Variants in TRMT2A observed in about 807,000 individuals in gnomAD.
The protein encoded by TRMT2A is tRNA (uracil-5-)-methyltransferase homolog A.
A neutral mutation model predicts 59.3 loss-of-function variants in TRMT2A; 60 were observed. The ratio of observed to expected loss-of-function variants is 1.01; its 90% CI spans 0.82 to 1.26. The LOEUF (loss-of-function observed/expected upper bound fraction) is 1.26, where lower values mean the gene tolerates loss of function less well. Among genes scored for constraint, TRMT2A ranks in the 50% most tolerant of loss-of-function variants. The pLI is 0.00. For synonymous variants in TRMT2A, 403 were observed against 353.7 expected (o/e 1.14, Z -1.56); for missense variants, 863 against 845.2 (o/e 1.02, Z -0.26).
chr22:20,117,018 G>C lies in TRMT2A; in HGVS notation c.-112C>G. 7.1e-7 allele frequency: 1 copy of C among 1,410,454 alleles called. No individual in the cohort carries two copies. The highest frequency in any genetic ancestry group is 9.7e-7 in the Non-Finnish European group (1 of 1,028,458). 87.4% of individuals were successfully genotyped at this position (1,410,454 alleles called of 1,614,324 possible). ...TGTCACAAGGGAAGTGCTCAGAGGG[G>C]AGGTGCTCACAGAGCCGGTGCAACG... On this transcript the variant is annotated 5_prime_UTR_variant, in exon 1 of 12. Coordinates refer to ENST00000252136, the MANE Select transcript of TRMT2A (RefSeq NM_022727.6).
chr22:20,114,738 C>T (rs1049977999), intron 6 of TRMT2A, 23 bp downstream of exon 6: 15 of 1,611,076 alleles, frequency 9.3e-6, no homozygotes, highest in Non-Finnish European at 1.2e-5. Context: ...AGGGACCTGC[C>T]CCGCCCCACT....
chr22:20,114,475 C>T lies in TRMT2A; in HGVS notation c.1233+99G>A, dbSNP rs540466929. 1.2e-3 allele frequency: 1,209 copies of T among 1,028,564 alleles called. 3 individuals carry two copies. Among genetic ancestry groups the T allele is most frequent in the Non-Finnish European group, 1.7e-3 (1,128 of 654,420 alleles). 63.7% of individuals were successfully genotyped at this position (1,028,564 alleles called of 1,614,324 possible). On this transcript the variant is annotated intron_variant, in intron 7 of 11. Transcript: ENST00000252136. The stretch of plus-strand genomic sequence containing the variant: ...GTGGCTCACCTGCCTGGATACTCCC[C>T]CAAATCTCACCGCCTGAGCCCACTG...
In TRMT2A at chr22:20,114,733, C is replaced by A. The variant is rs185037887; in HGVS notation, c.1121+28G>T. ...TTCAGTGTCACAGTCCCTGCAGGGACCTGCCCCGCCCCACTCGGGCTCCTT... is the reference window on the plus strand; with the variant it reads ...TTCAGTGTCACAGTCCCTGCAGGGAACTGCCCCGCCCCACTCGGGCTCCTT... On this transcript the variant is annotated intron_variant, in intron 6 of 11. Coordinates refer to ENST00000252136, the MANE Select transcript of TRMT2A (RefSeq NM_022727.6). 1,827 of 1,608,858 alleles carry A rather than the reference C, an allele frequency of 1.1e-3. 24 individuals are homozygous for A. The African/African-American group carries it at 0.023, about 20-fold the overall frequency.
rs1288912568 is a variant in TRMT2A, at chr22:20,114,612, C to A, written c.1195G>T (p.Gly399Trp). Residue 399 changes from glycine (G) to tryptophan (W), a missense_variant, in exon 7 of 12, where the codon GGG (glycine) becomes TGG (tryptophan). Gly to Trp is a radical substitution (Grantham distance 184). Coordinates refer to ENST00000252136, the MANE Select transcript of TRMT2A (RefSeq NM_022727.6). ...GDRCIHEDLLGLTFRISPHAF... is the reference protein window; with the variant it reads ...GDRCIHEDLLWLTFRISPHAF... ...TGTGGAGAGATCCGGAAGGTCAGCC[C>A]TAGCAGGTCCTCGTGGATGCACCGG... 3.7e-6 allele frequency: 6 copies of A among 1,613,824 alleles called. No individual in the cohort carries two copies.
chr22:20,113,700 G>A lies in TRMT2A; in HGVS notation c.1342C>T (p.Leu448=), dbSNP rs1359356886. 1.2e-6 allele frequency: 2 copies of A among 1,601,542 alleles called. No homozygotes were observed. Among genetic ancestry groups the A allele is most frequent in the Non-Finnish European group, 1.7e-6 (2 of 1,174,546 alleles). Residue 448 remains leucine, a synonymous_variant, in exon 8 of 12, where the codon CTG becomes TTG. Transcript: ENST00000252136. ...DVCCGTGTIG[L]ALARKVKRVI... ...GGAGGGCTCACCCGGGCCAGGGCCA[G>A]GCCAATGGTGCCGGTGCCACAGCAC... is the stretch of plus-strand genomic sequence containing the variant.
chr22:20,114,966 T>C lies in TRMT2A; in HGVS notation c.1004A>G (p.Gln335Arg). The C allele has an allele frequency of 1.9e-6, 3 of 1,589,068 alleles. No homozygotes were observed. The highest frequency in any genetic ancestry group is 2.6e-6 in the Non-Finnish European group (3 of 1,169,134). ...CCCCAGCAGGGCCCCCGTTGAGACC[T>C]GGGGGTGGAAGTAGGCAATGGCCAT... Reference protein sequence around the residue: ...QAMAIAYFHPQKLSPEELAEL... With the variant: ...QAMAIAYFHPRKLSPEELAEL... The change falls in exon 5 of 12, where the codon CAG (glutamine) becomes CGG (arginine). Residue 335 changes from glutamine to arginine, a missense_variant and splice_region_variant. Physicochemically the swap from Gln to Arg is conservative, Grantham distance 43. Transcript: ENST00000252136.
chr22:20,113,400 T>TGGCCCCCCCCCCCCCCC, intron 9 of TRMT2A, 32 bp downstream of exon 9: 2 of 1,049,434 alleles, frequency 1.9e-6, no homozygotes, highest in South Asian at 1.3e-5. Context: ...GCTGCCCCCA[T>TGGCCCCCCCCCCCCCCC]CCCCACCCCC....
Position 20,113,685 on chromosome 22 carries a change from C to G in TRMT2A, c.1356+1G>C. ...GCCCTCAGCAGGGCAGGAGGGCTCA[C>G]CCGGGCCAGGGCCAGGCCAATGGTG... On this transcript the variant is annotated splice_donor_variant, in intron 8 of 11. Transcript: ENST00000252136. LOFTEE classifies it high-confidence loss of function. 2.5e-6 allele frequency: 4 copies of G among 1,595,536 alleles called. No homozygotes were observed. The highest frequency in any genetic ancestry group is 2.6e-6 in the Non-Finnish European group (3 of 1,171,260).
intron 9 of TRMT2A, 80 bp from the exon 10 acceptor site, chr22:20,113,314 G>A: frequency 6.6e-7 from 1 of 1,511,560 alleles, no homozygotes; most frequent in Non-Finnish European, 8.9e-7. Flanking sequence ...CCTAGCCAAA[G>A]AGCTTGCTCA....
Position 20,115,393 on chromosome 22 carries a change from C to A in TRMT2A, c.763G>T (p.Asp255Tyr). The A allele has an allele frequency of 6.2e-7, 1 of 1,612,648 alleles. No homozygotes were observed. Among genetic ancestry groups the A allele is most frequent in the Admixed American group, 1.7e-5 (1 of 60,016 alleles). The change falls in exon 4 of 12, where the codon GAT (aspartate) becomes TAT (tyrosine). Residue 255 changes from aspartate (D) to tyrosine (Y), a missense_variant. Transcript: ENST00000252136. ...FLVGVGVDGEDNTVGCRLGKY... is the reference protein window; with the variant it reads ...FLVGVGVDGEYNTVGCRLGKY... The stretch of plus-strand genomic sequence containing the variant: ...CCGAGCCGACAGCCCACGGTGTTAT[C>A]CTCCCCATCCACCCCGACGCCAACC...
chr22:20,113,399 A>AACCCCCCCCC, intron 9 of TRMT2A, 33 bp downstream of exon 9: 6 of 713,624 alleles, frequency 8.4e-6, no homozygotes, highest in Non-Finnish European at 1.4e-5. Flanking sequence ...GGCTGCCCCC[A>AACCCCCCCCC]TCCCCACCCC....
rs760665379 is a variant in TRMT2A, at chr22:20,112,935, CG to C, written c.1621del (p.Arg541GlyfsTer18). ...RRLLYVSCNP[R>X]AAMGNFVDLC... ...CTCCACAAAGTTGCCCATGGCTGCC[CG>C]GGGGTTGCATGAGACGTACAGCAGC... On this transcript the variant is annotated frameshift_variant, in exon 11 of 12. Coordinates refer to ENST00000252136, the MANE Select transcript of TRMT2A (RefSeq NM_022727.6). LOFTEE classifies it low-confidence loss of function (END_TRUNC). 6.2e-7 allele frequency: 1 copy of C among 1,613,786 alleles called. No homozygotes were observed. The highest frequency in any genetic ancestry group is 1.7e-5 in the Admixed American group (1 of 60,024).
chr22:20,113,910 C>T (rs1009900374), intron 7 of TRMT2A, 102 bp from the exon 8 acceptor site: 51 of 1,403,100 alleles, frequency 3.6e-5, no homozygotes, highest in South Asian at 4.6e-5. Context: ...CCGGGACCTC[C>T]GGCGCCCACT....
At chr22:20,115,847 C>G in intron 2 of TRMT2A, 67 bp from the exon 3 acceptor site, 24 of 1,498,594 alleles carry the variant, frequency 1.6e-5, no homozygotes, top group Non-Finnish European at 2.2e-5. Flanking sequence ...GGCCACTCCC[C>G]AAATGTCCAG....
chr22:20,115,166 G>A, intron 4 of TRMT2A, 87 bp from the exon 5 acceptor site: 1 of 1,566,970 alleles, frequency 6.4e-7, no homozygotes, highest in Admixed American at 1.8e-5. Flanking sequence ...TCCTTCATCT[G>A]GCTGAAATGG....
intron 10 of TRMT2A, 42 bp downstream of exon 10, chr22:20,113,076 G>C: frequency 6.2e-7 from 1 of 1,609,454 alleles, no homozygotes; most frequent in Non-Finnish European, 8.5e-7. Context: ...CACCCCATGT[G>C]TCCTCGTTCC....
Position 20,112,224 on chromosome 22 carries a change from G to C in TRMT2A, c.*339C>G, listed in dbSNP as rs2049866072. ...GCCATGCAGAGAGGCTTGCAGAGCT[G>C]CCTAGGCCTAGTTTGGCCCTTTCCC... is the stretch of plus-strand genomic sequence containing the variant. On this transcript the variant is annotated 3_prime_UTR_variant, in exon 12 of 12. Transcript: ENST00000252136. 1 of 365,000 alleles carries C rather than the reference G, an allele frequency of 2.7e-6. No individual in the cohort carries two copies. The highest frequency in any genetic ancestry group is 5.0e-6 in the Non-Finnish European group (1 of 201,472). The allele number at this position is 365,000 out of a possible 1,614,324, so 22.6% of individuals were successfully genotyped here.
chr22:20,113,400 T>TCCCCCCC, intron 9 of TRMT2A, 32 bp downstream of exon 9: 40 of 1,049,390 alleles, frequency 3.8e-5, no homozygotes, highest in Non-Finnish European at 5.3e-5. Context: ...GCTGCCCCCA[T>TCCCCCCC]CCCCACCCCC....
In TRMT2A at chr22:20,116,994, G is replaced by GTCACAAGGGAAGTGGCCTC; in HGVS notation, c.-89_-88insGAGGCCACTTCCCTTGTGA. ...GGGCCTGTCACAAGGGAAGTGGCCT[G>GTCACAAGGGAAGTGGCCTC]TCACAAGGGAAGTGCTCAGAGGGGA... On this transcript the variant is annotated 5_prime_UTR_variant, in exon 1 of 12. Transcript: ENST00000252136. The GTCACAAGGGAAGTGGCCTC allele has an allele frequency of 6.6e-7, 1 of 1,520,258 alleles. No individual in the cohort carries two copies. The allele number at this position is 1,520,258 out of a possible 1,614,324, so 94.2% of individuals were successfully genotyped here. A position where few individuals can be genotyped will look rare whatever the true frequency, so the allele number is the denominator to read the frequency against.
Sources: allele counts gnomAD v4.1 joint callset, GRCh38; gene constraint gnomAD v4.1.1; transcripts MANE v1.5; gene names NCBI Gene and HGNC (gene_info 2026-07-23, HGNC 2026-07-21).